Variants in ZNF75D observed in about 807,000 individuals in gnomAD.
ZNF75D encodes the protein zinc finger protein 75D.
In ZNF75D, 33 loss-of-function variants were observed where a neutral mutation model predicts 33.3. The observed-to-expected ratio is 0.99, with a 90% confidence interval of 0.75 to 1.32. ZNF75D has a LOEUF of 1.32. Among genes scored for constraint, ZNF75D ranks in the 40% most tolerant of loss-of-function variants. The pLI is 0.00. For synonymous variants in ZNF75D, 113 were observed against 130.6 expected (o/e 0.87, Z 0.92); for missense variants, 338 against 367.5 (o/e 0.92, Z 0.66).
intron 1 of ZNF75D, among the ~76,000 whole-genome samples, chrX:135,329,533 C>T (rs929792105): frequency 1.8e-5 from 2 of 112,262 alleles, no homozygotes; most frequent in Non-Finnish European, 3.8e-5. Flanking sequence ...CTGTCTCGGC[C>T]TCCCAAAGTG....
In ZNF75D at chrX:135,294,267, G is replaced by C; in HGVS notation, c.-118-9C>G. 2.0e-6 allele frequency: 1 copy of C among 503,677 alleles called. No individual in the cohort carries two copies. The highest frequency in any genetic ancestry group is 3.2e-6 in the Non-Finnish European group (1 of 311,131). 41.5% of individuals were successfully genotyped at this position (503,677 alleles called of 1,213,427 possible). A position where few individuals can be genotyped will look rare whatever the true frequency, so the allele number is the denominator to read the frequency against. ...TGTTCTTCCCAAGAGCACTGAGGGAGAGCAGAAGAAAAGTACATGTCAAGA... is the reference window on the plus strand; with the variant it reads ...TGTTCTTCCCAAGAGCACTGAGGGACAGCAGAAGAAAAGTACATGTCAAGA... On this transcript the variant is annotated splice_polypyrimidine_tract_variant and intron_variant, in intron 2 of 6. Coordinates refer to ENST00000370766, the MANE Select transcript of ZNF75D (RefSeq NM_007131.5).
At chrX:135,289,438 A>G (rs1210518274) in intron 6 of ZNF75D, among the ~76,000 whole-genome samples, 2 of 112,047 alleles carry the variant, frequency 1.8e-5, no homozygotes, top group Non-Finnish European at 3.8e-5. Context: ...CAACATGGTG[A>G]AACCATGTCT....
Position 135,291,559 on chromosome X carries a change from C to T in ZNF75D, c.609G>A (p.Val203=). ...KETQPVYERA[V]HDQQMLALSE... ...AAAGGGCTAACATCTGTTGATCATG[C>T]ACAGCTGTGGGTAGAAAATAGCCAG... The change falls in exon 5 of 7, where the codon GTG becomes GTA. Residue 203 remains valine (V), a synonymous_variant. Coordinates refer to ENST00000370766, the MANE Select transcript of ZNF75D (RefSeq NM_007131.5). 1 of 1,208,130 alleles carries T rather than the reference C, an allele frequency of 8.3e-7. No individual in the cohort carries two copies. The highest frequency in any genetic ancestry group is 1.1e-6 in the Non-Finnish European group (1 of 892,440).
intron 1 of ZNF75D, among the ~76,000 whole-genome samples, chrX:135,310,040 C>T (rs2084340723): frequency 8.9e-6 from 1 of 112,046 alleles, no homozygotes; most frequent in African/African-American, 3.2e-5. Flanking sequence ...AAGAGACCAC[C>T]CTGGTGTTTC....
downstream of ZNF75D, among the ~76,000 whole-genome samples, chrX:135,282,987 G>A: frequency 8.9e-6 from 1 of 111,815 alleles, no homozygotes; most frequent in East Asian, 2.8e-4. Context: ...ATCATCCCAA[G>A]TCTCACACTG....
chrX:135,292,375 A>G lies in ZNF75D; in HGVS notation c.510T>C (p.Gly170=). The G allele has an allele frequency of 8.3e-7, 1 of 1,211,390 alleles. No homozygotes were observed. The highest frequency in any genetic ancestry group is 1.1e-6 in the Non-Finnish European group (1 of 895,260). Residue 170 remains glycine (G), a synonymous_variant, in exon 4 of 7, where the codon GGT becomes GGC. Transcript: ENST00000370766. ...TATTCCAATATTCTTTCTGGAACAC[A>G]CCCATTGGTTGGGGCTCTGCTGGCT... The part of the protein sequence containing the change: ...KWKPAEPQPM[G]VFQKEYWNTY...
chrX:135,282,073 G>T (rs782082722), downstream of ZNF75D, among the ~76,000 whole-genome samples: 1 of 112,549 alleles, frequency 8.9e-6, no homozygotes, highest in African/African-American at 3.2e-5. Flanking sequence ...GCTTAAGGCT[G>T]CTGAAGCTGT....
At chrX:135,287,898 T>C (rs781808025) in intron 6 of ZNF75D, 52 bp from the exon 7 acceptor site, 2 of 950,653 alleles carry the variant, frequency 2.1e-6, no homozygotes, top group South Asian at 2.1e-5. Context: ...GAAAGAAAGC[T>C]ACATAAATGG....
intron 1 of ZNF75D, among the ~76,000 whole-genome samples, chrX:135,337,540 C>A (rs1216138111): frequency 9.0e-6 from 1 of 111,706 alleles, no homozygotes; most frequent in African/African-American, 3.3e-5. Flanking sequence ...TACATACCTA[C>A]CCATTTTTCC....
At position 135,287,534 on chromosome X, in the gene ZNF75D, T is replaced by C. The variant is rs1174925895; in HGVS notation, c.1136A>G (p.Asp379Gly). The C allele has an allele frequency of 8.3e-7, 1 of 1,212,118 alleles. No individual in the cohort carries two copies. The highest frequency in any genetic ancestry group is 1.1e-6 in the Non-Finnish European group (1 of 895,538). Residue 379 changes from aspartate to glycine, a missense_variant, in exon 7 of 7, where the codon GAT becomes GGT. Asp to Gly is a moderately conservative substitution (Grantham distance 94). Transcript: ENST00000370766. Reference protein sequence around the residue: ...ECGKSFRVSSDLIKHHRIHTG... With the variant: ...ECGKSFRVSSGLIKHHRIHTG... ...GTGAATTCTGTGGTGTTTAATAAGA[T>C]CAGAGCTAACTCTGAAGCTTTTCCC...
intron 1 of ZNF75D, among the ~76,000 whole-genome samples, chrX:135,301,886 A>T (rs1042951553): frequency 8.9e-6 from 1 of 112,370 alleles, no homozygotes; most frequent in Non-Finnish European, 1.9e-5. Flanking sequence ...GAGGTTCTCC[A>T]TGAGGGCTCT....
At chrX:135,329,018 C>CT (rs2084617762) in intron 1 of ZNF75D, among the ~76,000 whole-genome samples, 1 of 112,101 alleles carries the variant, frequency 8.9e-6, no homozygotes, top group Non-Finnish European at 1.9e-5. Flanking sequence ...TATTCTCATG[C>CT]TTTTTTGTGG....
chrX:135,273,432 A>G (rs1556417219), intron 1 of ZNF75D, among the ~76,000 whole-genome samples: 1 of 111,795 alleles, frequency 8.9e-6, no homozygotes. Context: ...GACTTAGGAC[A>G]AAAGAAGCCC....
intron 1 of ZNF75D, among the ~76,000 whole-genome samples, chrX:135,306,288 T>TATACAC (rs1447708166): frequency 1.2e-4 from 10 of 83,246 alleles, no homozygotes; most frequent in African/African-American, 4.7e-4. Flanking sequence ...CAGAGATACA[T>TATACAC]ACACACACAC....
At chrX:135,288,421 G>A (rs1437004082) in intron 6 of ZNF75D, among the ~76,000 whole-genome samples, 1 of 112,403 alleles carries the variant, frequency 8.9e-6, no homozygotes, top group Non-Finnish European at 1.9e-5. Flanking sequence ...TAGTAGGATT[G>A]TGTACTTTGT....
At chrX:135,287,990 C>T in intron 6 of ZNF75D, 144 bp from the exon 7 acceptor site, 2 of 485,474 alleles carry the variant, frequency 4.1e-6, no homozygotes, top group Non-Finnish European at 6.8e-6. Context: ...ATGGCATAGA[C>T]CCATTTCTCC....
intron 1 of ZNF75D, among the ~76,000 whole-genome samples, chrX:135,277,767 T>C (rs1602590064): frequency 8.9e-6 from 1 of 112,249 alleles, no homozygotes; most frequent in Middle Eastern, 4.6e-3. Flanking sequence ...TTGCTTGTTG[T>C]TGTCATGTTT....
chrX:135,312,660 CTT>C (rs1215909520), intron 1 of ZNF75D, among the ~76,000 whole-genome samples: 3 of 98,714 alleles, frequency 3.0e-5, no homozygotes, highest in Non-Finnish European at 2.1e-5. Context: ...GCATCTGTGA[CTT>C]TTTTTTTTTT....
rs782177101 is a variant in ZNF75D, at chrX:135,334,144, G to A, written c.-391+7624C>T. ...CATATTGTCTTGAAGACTTTAACCTGAAAACCACCCAATTGCTATTTTGGC... is the reference window on the plus strand; with the variant it reads ...CATATTGTCTTGAAGACTTTAACCTAAAAACCACCCAATTGCTATTTTGGC... On this transcript the variant is annotated intron_variant, in intron 1 of 6. Coordinates refer to ENST00000370766, the MANE Select transcript of ZNF75D (RefSeq NM_007131.5). Among the ~76,000 whole-genome samples, 132 of 112,009 alleles carry A rather than the reference G, an allele frequency of 1.2e-3. 1 individual carries two copies. The highest frequency in any genetic ancestry group is 3.4e-4 in the Non-Finnish European group (18 of 53,162).
Sources: gnomAD v4.1 joint callset for allele counts (sites outside exome capture counted in the v4.1 genomes callset) on GRCh38, gnomAD v4.1.1 for gene constraint, MANE v1.5 for transcripts, NCBI Gene and HGNC (gene_info 2026-07-23, HGNC 2026-07-21) for gene names.